PTPRD: variants seen among roughly 807,000 people sequenced by gnomAD.
The protein encoded by PTPRD is receptor-type tyrosine-protein phosphatase delta.
PTPRD carries 34 observed loss-of-function variants against 214.5 expected under a neutral mutation model. The ratio of observed to expected loss-of-function variants is 0.16; its 90% confidence interval spans 0.12 to 0.21. The LOEUF is 0.21. PTPRD is among the 10% of genes least tolerant of loss of function. The pLI is 1.00. For missense variants in PTPRD, 2,545 were observed against 2,398.7 expected, an observed-to-expected ratio of 1.06 and a Z score of -1.27; for synonymous variants, 1,128 against 845.7, an observed-to-expected ratio of 1.33 and a Z score of -5.79.
chr9:9,739,459 G>A (rs1156530573), intron 6 of PTPRD, among the ~76,000 whole-genome samples: 1 of 151,706 alleles, frequency 6.6e-6, no homozygotes. Flanking sequence ...TATTTTTCTA[G>A]AAATTTTATT....
intron 9 of PTPRD, among the ~76,000 whole-genome samples, chr9:9,185,394 C>T (rs1378905451): frequency 6.6e-6 from 1 of 152,004 alleles, no homozygotes; most frequent in Non-Finnish European, 1.5e-5. Context: ...TCCTTTTAGG[C>T]AACCAACCAC....
intron 14 of PTPRD, among the ~76,000 whole-genome samples, chr9:8,609,075 C>T (rs2095346867): frequency 6.6e-6 from 1 of 152,226 alleles, no homozygotes; most frequent in Non-Finnish European, 1.5e-5. Flanking sequence ...AAACAAAATT[C>T]TCACATCTTG....
At chr9:10,528,156 C>A (rs2054912047) in intron 2 of PTPRD, among the ~76,000 whole-genome samples, 1 of 152,072 alleles carries the variant, frequency 6.6e-6, no homozygotes, top group African/African-American at 2.4e-5. Context: ...GCTCTAAATT[C>A]CTCCAGAAGA....
At chr9:8,525,058 G>T in intron 17 of PTPRD, 23 bp from the exon 18 acceptor site, 5 of 1,577,220 alleles carry the variant, frequency 3.2e-6, no homozygotes, top group Non-Finnish European at 3.5e-6. Context: ...AAAATATATT[G>T]CCAAAGAGAT....
intron 5 of PTPRD, among the ~76,000 whole-genome samples, chr9:9,845,209 C>G (rs1341688790): frequency 7.5e-6 from 1 of 132,536 alleles, no homozygotes; most frequent in Non-Finnish European, 1.6e-5. Flanking sequence ...TATATATATA[C>G]TGCTATATAT....
chr9:9,510,371 A>T (rs2096671564), intron 8 of PTPRD, among the ~76,000 whole-genome samples: 1 of 151,688 alleles, frequency 6.6e-6, no homozygotes, highest in Non-Finnish European at 1.5e-5. Flanking sequence ...AGCAATGAGC[A>T]AACTTCCCAG....
intron 10 of PTPRD, among the ~76,000 whole-genome samples, chr9:9,076,431 C>T (rs1199298096): frequency 1.3e-5 from 2 of 151,734 alleles, no homozygotes; most frequent in African/African-American, 2.4e-5. Flanking sequence ...CATTAACCGT[C>T]CCCTTTGCTC....
intron 5 of PTPRD, among the ~76,000 whole-genome samples, chr9:9,785,751 C>T (rs2098918352): frequency 6.6e-6 from 1 of 151,874 alleles, no homozygotes; most frequent in South Asian, 2.1e-4. Context: ...ATTATAGTAC[C>T]AGTGTTAATT....
intron 3 of PTPRD, among the ~76,000 whole-genome samples, chr9:10,066,150 T>C (rs1360646355): frequency 6.6e-6 from 1 of 151,930 alleles, no homozygotes; most frequent in Non-Finnish European, 1.5e-5. Context: ...ATACTTTTTT[T>C]TTATTTTTAA....
intron 3 of PTPRD, among the ~76,000 whole-genome samples, chr9:10,151,661 C>T (rs1337332375): frequency 6.6e-6 from 1 of 152,022 alleles, no homozygotes; most frequent in Non-Finnish European, 1.5e-5. Context: ...TTGGTAAATG[C>T]ATGTAGCTGA....
intron 11 of PTPRD, chr9:8,797,105 A>C (rs1176043587): frequency 6.6e-6 from 1 of 152,148 alleles, no homozygotes; most frequent in Non-Finnish European, 1.5e-5. Context: ...CAAGAGACTT[A>C]AAGCACACAA....
At chr9:9,129,600 T>C (rs903432912) in intron 10 of PTPRD, among the ~76,000 whole-genome samples, 2 of 152,112 alleles carry the variant, frequency 1.3e-5, no homozygotes, top group African/African-American at 4.8e-5. Context: ...TCACTATAGG[T>C]AATATGCTAC....
At chr9:8,394,754 C>T (rs1210089918) in intron 36 of PTPRD, among the ~76,000 whole-genome samples, 1 of 152,106 alleles carries the variant, frequency 6.6e-6, no homozygotes, top group Non-Finnish European at 1.5e-5. Context: ...GGAACGCACT[C>T]TGATGCTCTT....
intron 11 of PTPRD, among the ~76,000 whole-genome samples, chr9:8,898,993 G>A (rs1194566108): frequency 6.6e-6 from 1 of 152,112 alleles, no homozygotes; most frequent in South Asian, 2.1e-4. Context: ...TAATAAAAGT[G>A]ACTTCATGAA....
At chr9:10,503,123 T>C (rs990171442) in intron 2 of PTPRD, among the ~76,000 whole-genome samples, 2 of 133,518 alleles carry the variant, frequency 1.5e-5, no homozygotes, top group South Asian at 2.4e-4. Context: ...TGTATGATGA[T>C]TTACAGAATT....
rs869120926 is a variant in PTPRD, at chr9:9,779,078, CA to C, written c.-367-12228del. Among the ~76,000 whole-genome samples the C allele has an allele frequency of 7.1e-3, 323 of 45,474 alleles. 1 individual carries two copies. The highest frequency in any genetic ancestry group is 0.02 in the Middle Eastern group (1 of 50). 29.8% of individuals were successfully genotyped at this position (45,474 alleles called of 152,430 possible). A position where few individuals can be genotyped will look rare whatever the true frequency, so the allele number is the denominator to read the frequency against. ...GCCATGTGATCTTTCATAAGACTGACAAAAAAAAAAAAAAAAAAAAAAAAAA... is the reference window on the plus strand; with the variant it reads ...GCCATGTGATCTTTCATAAGACTGACAAAAAAAAAAAAAAAAAAAAAAAAA... On this transcript the variant is annotated intron_variant, in intron 5 of 45. Transcript: ENST00000381196.
intron 9 of PTPRD, among the ~76,000 whole-genome samples, chr9:9,230,101 G>A (rs562622517): frequency 2.6e-5 from 4 of 152,094 alleles, no homozygotes; most frequent in African/African-American, 9.6e-5. Flanking sequence ...CTCTGTTCCC[G>A]ACTGATAGGA....
rs35075915 is a variant in PTPRD at position 10,177,449 on chromosome 9, T to TAA, written c.-544-143661_-544-143660dup. 1.4e-3 allele frequency among the ~76,000 whole-genome samples: 188 copies of TAA among 136,862 alleles called. 3 individuals are homozygous for TAA. Among genetic ancestry groups the TAA allele is most frequent in the Admixed American group, 0.012 (160 of 13,588 alleles). 89.8% of individuals were successfully genotyped at this position (136,862 alleles called of 152,430 possible). Reference sequence around the variant, plus strand: ...ACAAAGGAAAGTTGTTAAAATGTTGTAAAAAAAAAAAAAAAGACTGACACT... The same window carrying TAA: ...ACAAAGGAAAGTTGTTAAAATGTTGTAAAAAAAAAAAAAAAAAGACTGACACT... On this transcript the variant is annotated intron_variant, in intron 3 of 45. Transcript: ENST00000381196.
chr9:8,915,647 G>T (rs1004945560), intron 11 of PTPRD, among the ~76,000 whole-genome samples: 1 of 152,174 alleles, frequency 6.6e-6, no homozygotes, highest in African/African-American at 2.4e-5. Flanking sequence ...ATGTCAGCAG[G>T]ATTGAGACCA....
Sources: gnomAD v4.1 joint callset for allele counts (sites outside exome capture counted in the v4.1 genomes callset) on GRCh38, gnomAD v4.1.1 for gene constraint, MANE v1.5 for transcripts, NCBI Gene and HGNC (gene_info 2026-07-23, HGNC 2026-07-21) for gene names.